Variants in ANTXR1 observed in about 807,000 individuals in gnomAD.
The protein encoded by ANTXR1 is ANTXR cell adhesion molecule 1, also known as anthrax toxin receptor 1.
In ANTXR1, 19 loss-of-function variants were observed where a neutral mutation model predicts 78.1. The observed-to-expected ratio is 0.24, with a 90% CI of 0.17 to 0.36. The LOEUF (loss-of-function observed/expected upper bound fraction) is 0.36. Ranked by LOEUF, ANTXR1 falls within the 10% of genes least tolerant of loss-of-function variation. The pLI is 1.00. For missense variants in ANTXR1, 518 were observed against 718.6 expected, an observed-to-expected ratio of 0.72 and a Z score of 3.19; for synonymous variants, 273 against 260.5, an observed-to-expected ratio of 1.05 and a Z score of -0.46.
intron 17 of ANTXR1, among the ~76,000 whole-genome samples, chr2:69,217,207 C>T (rs772829063): frequency 1.3e-5 from 2 of 152,214 alleles, no homozygotes; most frequent in Non-Finnish European, 2.9e-5. Flanking sequence ...CAAGGACTGA[C>T]ATGCATCTCA....
At chr2:69,041,638 C>T (rs1669619283) in intron 2 of ANTXR1, among the ~76,000 whole-genome samples, 1 of 152,212 alleles carries the variant, frequency 6.6e-6, no homozygotes, top group African/African-American at 2.4e-5. Flanking sequence ...AAAACATGTG[C>T]AAGCCCACCA....
At chr2:69,185,871 C>T (rs1318909684) in intron 16 of ANTXR1, among the ~76,000 whole-genome samples, 1 of 152,170 alleles carries the variant, frequency 6.6e-6, no homozygotes, top group African/African-American at 2.4e-5. Context: ...GCAGGACTCC[C>T]TCGTTAGGAC....
At chr2:69,240,609 C>T (rs72903170) in intron 17 of ANTXR1, among the ~76,000 whole-genome samples, 12,742 of 152,228 alleles carry the variant, frequency 0.084, 1,808 homozygotes, top group African/African-American at 0.29. Flanking sequence ...ATGTCAAGAG[C>T]TGCTGGATTG....
rs145700314 is a variant in ANTXR1, at chr2:69,123,251, T to C, written c.872+165T>C. On this transcript the variant is annotated intron_variant, in intron 11 of 17. Coordinates refer to ENST00000303714, the MANE Select transcript of ANTXR1 (RefSeq NM_032208.3). ...AGTGACCCAGACGCCAGGATAAGTG[T>C]TTTACAAAGTATCTCACTTCATTCT... is the stretch of plus-strand genomic sequence containing the variant. Among the ~76,000 whole-genome samples, 618 of 152,250 alleles carry C rather than the reference T, an allele frequency of 4.1e-3. 2 individuals carry two copies. The highest frequency in any genetic ancestry group is 0.01 in the Middle Eastern group (3 of 294).
At chr2:69,141,940 G>A (rs1013315720) in intron 12 of ANTXR1, among the ~76,000 whole-genome samples, 25 of 152,258 alleles carry the variant, frequency 1.6e-4, no homozygotes, top group African/African-American at 2.9e-4. Context: ...CCCCCATGTC[G>A]TCAGTCTTAA....
chr2:69,082,127 G>C (rs1331167629), intron 8 of ANTXR1, among the ~76,000 whole-genome samples: 2 of 152,202 alleles, frequency 1.3e-5, no homozygotes, highest in East Asian at 3.9e-4. Context: ...ACAGAGGCAA[G>C]ACCAGAATCC....
intron 12 of ANTXR1, among the ~76,000 whole-genome samples, chr2:69,138,690 T>C (rs1423994050): frequency 6.6e-6 from 1 of 152,252 alleles, no homozygotes; most frequent in Non-Finnish European, 1.5e-5. Context: ...TTACTGTGGC[T>C]ACTGGAACAG....
chr2:69,220,058 G>A (rs1675283150), intron 17 of ANTXR1, among the ~76,000 whole-genome samples: 1 of 152,198 alleles, frequency 6.6e-6, no homozygotes, highest in South Asian at 2.1e-4. Context: ...ATGATTTAAA[G>A]CAATGGGTGG....
At chr2:69,018,371 T>C (rs943943558) in intron 1 of ANTXR1, among the ~76,000 whole-genome samples, 2 of 152,236 alleles carry the variant, frequency 1.3e-5, no homozygotes, top group African/African-American at 4.8e-5. Context: ...GATGCCCTGC[T>C]GGTGCTGATT....
intron 1 of ANTXR1, among the ~76,000 whole-genome samples, chr2:69,039,740 A>G (rs1407670653): frequency 6.7e-6 from 1 of 150,224 alleles, no homozygotes; most frequent in Non-Finnish European, 1.5e-5. Context: ...AAGACGCAAA[A>G]CTCATTTGTG....
At chr2:69,183,508 T>A (rs1281407566) in intron 16 of ANTXR1, among the ~76,000 whole-genome samples, 1 of 149,738 alleles carries the variant, frequency 6.7e-6, no homozygotes, top group Non-Finnish European at 1.5e-5. Context: ...GCTCAAGCCA[T>A]CCTCCCACCT....
Position 69,151,224 on chromosome 2 carries a change from C to T in ANTXR1, c.952-945C>T, listed in dbSNP as rs1396080065. Among the ~76,000 whole-genome samples, 4 of 127,282 alleles carry T rather than the reference C, an allele frequency of 3.1e-5. No individual in the cohort carries two copies. The Admixed American group carries it at 3.7e-4, about 12-fold the overall frequency. The allele number at this position is 127,282 out of a possible 152,430, so 83.5% of individuals were successfully genotyped here. On this transcript the variant is annotated intron_variant, in intron 12 of 17. Transcript: ENST00000303714. ...TTTTTTTTTTTGAGACGGAGTCTCGCTCTGTCGCCCAGGCTGGAGTGCAGT... is the reference window on the plus strand; with the variant it reads ...TTTTTTTTTTTGAGACGGAGTCTCGTTCTGTCGCCCAGGCTGGAGTGCAGT...
chr2:69,175,441 G>A (rs371230917), intron 14 of ANTXR1, among the ~76,000 whole-genome samples: 125 of 146,594 alleles, frequency 8.5e-4, no homozygotes, highest in African/African-American at 3.0e-3. Flanking sequence ...ACCGCCCCCC[G>A]CCCCCGCCGC....
At position 69,141,434 on chromosome 2, in the gene ANTXR1, A is replaced by G. The variant is rs556615839; in HGVS notation, c.952-10735A>G. Among the ~76,000 whole-genome samples the G allele has an allele frequency of 1.3e-4, 20 of 152,316 alleles. No homozygotes were observed. In the South Asian group the frequency reaches 4.1e-3, roughly 32 times the overall value. ...TTTACAATGATTCTGAAGGACAGGCAGTGGAGTTTTAGGTTTCAGGGGCAA... is the reference window on the plus strand; with the variant it reads ...TTTACAATGATTCTGAAGGACAGGCGGTGGAGTTTTAGGTTTCAGGGGCAA... On this transcript the variant is annotated intron_variant, in intron 12 of 17. Transcript: ENST00000303714.
chr2:69,187,585 C>CA (rs1674449896), intron 16 of ANTXR1, among the ~76,000 whole-genome samples: 1 of 94,898 alleles, frequency 1.1e-5, no homozygotes, highest in African/African-American at 4.6e-5. Flanking sequence ...TCATGTATTT[C>CA]TTTTTTTTTT....
chr2:69,229,843 C>T (rs1011363984), intron 17 of ANTXR1, among the ~76,000 whole-genome samples: 2 of 151,788 alleles, frequency 1.3e-5, no homozygotes, highest in Non-Finnish European at 2.9e-5. Context: ...AATTGCTACA[C>T]TGCTTGGCAG....
At chr2:69,240,892 C>T (rs73937217) in intron 17 of ANTXR1, among the ~76,000 whole-genome samples, 5,980 of 152,156 alleles carry the variant, frequency 0.039, 422 homozygotes, top group African/African-American at 0.13. Flanking sequence ...TGTACCTGGA[C>T]GTTTCAAATA....
intron 17 of ANTXR1, among the ~76,000 whole-genome samples, chr2:69,240,606 G>C (rs1433943997): frequency 6.6e-6 from 1 of 152,194 alleles, no homozygotes; most frequent in East Asian, 1.9e-4. Flanking sequence ...ACTATGTCAA[G>C]AGCTGCTGGA....
intron 17 of ANTXR1, among the ~76,000 whole-genome samples, chr2:69,236,131 T>C (rs1177493322): frequency 6.6e-6 from 1 of 152,160 alleles, no homozygotes; most frequent in Admixed American, 6.6e-5. Context: ...AGATGAGATT[T>C]GGGTGGGGAC....
Sources: allele counts gnomAD v4.1 joint callset (sites outside exome capture counted in the v4.1 genomes callset), GRCh38; gene constraint gnomAD v4.1.1; transcripts MANE v1.5; gene names NCBI Gene and HGNC (gene_info 2026-07-23, HGNC 2026-07-21).